RHAG: variants seen among roughly 807,000 people sequenced by gnomAD.
RHAG encodes the protein ammonium transporter Rh type A.
In RHAG, 25 loss-of-function variants were observed where a neutral mutation model predicts 42.4. That is an observed-to-expected ratio of 0.59 (90% CI 0.43 to 0.82). The LOEUF (loss-of-function observed/expected upper bound fraction) is 0.82, where lower values mean the gene tolerates loss of function less well. Ranked by LOEUF, RHAG falls within the 40% of genes least tolerant of loss-of-function variation. The probability of loss-of-function intolerance (pLI) is 0.00; values close to 1 mark genes in which losing one functional copy is unlikely to be tolerated. For synonymous variants in RHAG, 182 were observed against 177.7 expected (o/e 1.02, Z -0.19); for missense variants, 483 against 504.6 (o/e 0.96, Z 0.41).
chr6:49,626,358 G>GCT (rs1465352431), intron 1 of RHAG, among the ~76,000 whole-genome samples: 1 of 152,162 alleles, frequency 6.6e-6, no homozygotes, highest in Non-Finnish European at 1.5e-5. Context: ...AAACAAAGTG[G>GCT]CTACAGGCCC....
At chr6:49,611,677 G>T (rs9473624) in intron 6 of RHAG, among the ~76,000 whole-genome samples, 18,533 of 151,854 alleles carry the variant, frequency 0.12, 1,917 homozygotes, top group African/African-American at 0.28. Flanking sequence ...TTAGTGGATG[G>T]GTTTGAAAGG....
chr6:49,605,485 C>T lies in RHAG; in HGVS notation c.*328G>A. On this transcript the variant is annotated 3_prime_UTR_variant, in exon 10 of 10. Coordinates refer to ENST00000371175, the MANE Select transcript of RHAG (RefSeq NM_000324.3). ...AAGACATAGTGTCTACATTAAGAAA[C>T]TGACATGTTTACTCTGTATTTACTC... The T allele has an allele frequency of 2.7e-6, 1 of 367,236 alleles. No homozygotes were observed. Among genetic ancestry groups the T allele is most frequent in the Non-Finnish European group, 5.1e-6 (1 of 196,476 alleles). 22.7% of individuals were successfully genotyped at this position (367,236 alleles called of 1,614,324 possible).
chr6:49,628,667 G>T (rs1276899989), intron 1 of RHAG, among the ~76,000 whole-genome samples: 1 of 151,160 alleles, frequency 6.6e-6, no homozygotes, highest in African/African-American at 2.4e-5. Context: ...CGTTCCTCCT[G>T]GTGGGCTCAT....
At chr6:49,615,257 T>C in intron 4 of RHAG, 1 of 275,854 alleles carries the variant, frequency 3.6e-6, no homozygotes, top group Non-Finnish European at 6.9e-6. Flanking sequence ...GCCTGGAGGA[T>C]GTAGTTTCCT....
In RHAG at chr6:49,611,052, C is replaced by G; in HGVS notation, c.1039G>C (p.Val347Leu). The G allele has an allele frequency of 6.2e-7, 1 of 1,613,902 alleles. No individual in the cohort carries two copies. The highest frequency in any genetic ancestry group is 1.1e-5 in the South Asian group (1 of 91,076). ...PGVVGGLAGI[V>L]AVAMGASNTS... ...TTGGAGGCGCCCATTGCTACTGCCACAATGCCTGCAAGGCCTCCCACTACA... is the reference window on the plus strand; with the variant it reads ...TTGGAGGCGCCCATTGCTACTGCCAGAATGCCTGCAAGGCCTCCCACTACA... The change falls in exon 7 of 10, where the codon GTG becomes CTG. Residue 347 changes from valine (V) to leucine (L), a missense_variant. Transcript: ENST00000371175.
intron 1 of RHAG, among the ~76,000 whole-genome samples, chr6:49,629,757 G>A (rs1409677376): frequency 6.6e-6 from 1 of 152,216 alleles, no homozygotes; most frequent in African/African-American, 2.4e-5. Context: ...CACTGCTGGG[G>A]GACCCAGTAC....
intron 1 of RHAG, among the ~76,000 whole-genome samples, chr6:49,630,373 A>C (rs1762916998): frequency 6.6e-6 from 1 of 152,194 alleles, no homozygotes; most frequent in African/African-American, 2.4e-5. Flanking sequence ...CAGAGAACTC[A>C]ACAGAAAGTC....
chr6:49,636,176 G>T (rs1763007358), intron 1 of RHAG, among the ~76,000 whole-genome samples: 2 of 151,840 alleles, frequency 1.3e-5, no homozygotes, highest in South Asian at 2.1e-4. Flanking sequence ...ACACTTTTTT[G>T]ATTAAAACTC....
chr6:49,612,308 A>G (rs954744226), intron 6 of RHAG, 89 bp downstream of exon 6: 1 of 1,403,028 alleles, frequency 7.1e-7, no homozygotes, highest in African/African-American at 1.4e-5. Flanking sequence ...TTTATAAAAT[A>G]AAACTTAGTA....
chr6:49,615,376 G>T (rs1443646837), intron 4 of RHAG: 6 of 350,284 alleles, frequency 1.7e-5, no homozygotes, highest in African/African-American at 1.3e-4. Flanking sequence ...TTTTTTCAAA[G>T]TTTAATTGAA....
intron 1 of RHAG, 107 bp from the exon 2 acceptor site, chr6:49,619,469 T>G (rs1762716841): frequency 1.9e-6 from 2 of 1,041,648 alleles, no homozygotes; most frequent in African/African-American, 3.2e-5. Context: ...TATAACACAC[T>G]AGGAAAAGAG....
Position 49,618,095 on chromosome 6 carries a change from A to G in RHAG, c.465T>C (p.Asn155=). 6.2e-7 allele frequency: 1 copy of G among 1,613,996 alleles called. No homozygotes were observed. Among genetic ancestry groups the G allele is most frequent in the East Asian group, 2.2e-5 (1 of 44,872 alleles). Residue 155 remains asparagine, a synonymous_variant, in exon 3 of 10, where the codon AAT becomes AAC. Transcript: ENST00000371175. ...TAAATATTTCACTAACCAGGTATTC[A>G]TTGTGGGCAAAGAAAACAATTTCTA... ...TILEIVFFAH[N]EYLVSEIFKA...
At chr6:49,615,177 C>T in intron 4 of RHAG, 1 of 299,002 alleles carries the variant, frequency 3.3e-6, no homozygotes, top group Admixed American at 4.7e-5. Flanking sequence ...GTCTCGAACT[C>T]CTGACCTCGT....
intron 1 of RHAG, among the ~76,000 whole-genome samples, chr6:49,634,424 T>G (rs913414484): frequency 6.6e-6 from 1 of 152,096 alleles, no homozygotes; most frequent in Non-Finnish European, 1.5e-5. Context: ...ACTAAAAATA[T>G]AACTATCACA....
chr6:49,607,609 C>T lies in RHAG; in HGVS notation c.1068-389G>A, dbSNP rs1762496255. Among the ~76,000 whole-genome samples, 3 of 152,318 alleles carry T rather than the reference C, an allele frequency of 2.0e-5. No individual in the cohort carries two copies. In the South Asian group the frequency reaches 6.2e-4, roughly 32 times the overall value. ...GTAATACATAAAACAACATGAGCTACTAAAGCTAATTTCAGCATATATTGT... is the reference window on the plus strand; with the variant it reads ...GTAATACATAAAACAACATGAGCTATTAAAGCTAATTTCAGCATATATTGT... On this transcript the variant is annotated intron_variant, in intron 7 of 9. Coordinates refer to ENST00000371175, the MANE Select transcript of RHAG (RefSeq NM_000324.3).
At chr6:49,627,700 G>T (rs1196639290) in intron 1 of RHAG, among the ~76,000 whole-genome samples, 1 of 152,184 alleles carries the variant, frequency 6.6e-6, no homozygotes, top group Admixed American at 6.5e-5. Context: ...GGCTGGGGAG[G>T]CCTCACAATC....
rs1418470207 is a variant in RHAG at position 49,626,688 on chromosome 6, C to T, written c.158-7326G>A. 5.3e-5 allele frequency among the ~76,000 whole-genome samples: 8 copies of T among 152,352 alleles called. No homozygotes were observed. In the South Asian group the frequency reaches 1.2e-3, roughly 24 times the overall value. The stretch of plus-strand genomic sequence containing the variant: ...AGTAGTGACTCTGTGTTTGGGCTTG[C>T]ACCCCACATTTCCCTTCTGCACTGC... On this transcript the variant is annotated intron_variant, in intron 1 of 9. Coordinates refer to ENST00000371175, the MANE Select transcript of RHAG (RefSeq NM_000324.3).
Position 49,625,895 on chromosome 6 carries a change from G to A in RHAG, c.158-6533C>T, listed in dbSNP as rs571355861. 1.5e-4 allele frequency among the ~76,000 whole-genome samples: 23 copies of A among 152,220 alleles called. No homozygotes were observed. The East Asian group carries it at 1.5e-3, about 10-fold the overall frequency. ...GGAGCAAAGTCATGTCTTACATGGC[G>A]GCAGGCAAGAGAGCTTGTGTAGGAC... is the stretch of plus-strand genomic sequence containing the variant. On this transcript the variant is annotated intron_variant, in intron 1 of 9. Transcript: ENST00000371175.
chr6:49,636,627 G>A (rs1763013435), intron 1 of RHAG, 29 bp downstream of exon 1: 3 of 1,611,794 alleles, frequency 1.9e-6, no homozygotes, highest in African/African-American at 1.3e-5. Context: ...ACCGAAAAAT[G>A]TATAGTAAGT....
Sources: gnomAD v4.1 joint callset for allele counts (sites outside exome capture counted in the v4.1 genomes callset) on GRCh38, gnomAD v4.1.1 for gene constraint, MANE v1.5 for transcripts, NCBI Gene and HGNC (gene_info 2026-07-23, HGNC 2026-07-21) for gene names.